GPALPP1: variants seen among roughly 807,000 people sequenced by gnomAD.
GPALPP1 encodes the protein GPALPP motifs containing 1.
GPALPP1 carries 30 observed loss-of-function variants against 38.9 expected under a neutral mutation model. The observed-to-expected ratio is 0.77, with a 90% confidence interval of 0.58 to 1.05. The LOEUF (loss-of-function observed/expected upper bound fraction) is 1.05. GPALPP1 is among the 50% of genes least tolerant of loss of function. The pLI is 0.00. For missense variants in GPALPP1, 384 were observed against 408.8 expected, an observed-to-expected ratio of 0.94 and a Z score of 0.52; for synonymous variants, 120 against 139.2, an observed-to-expected ratio of 0.86 and a Z score of 0.97.
intron 1 of GPALPP1, among the ~76,000 whole-genome samples, chr13:44,993,712 A>G (rs1442401885): frequency 6.6e-6 from 1 of 151,582 alleles, no homozygotes; most frequent in Admixed American, 6.6e-5. Flanking sequence ...AGGAACTAGC[A>G]TACTGTTGTC....
chr13:45,015,244 C>T (rs969449449), intron 5 of GPALPP1, among the ~76,000 whole-genome samples, 161 bp downstream of exon 5: 2 of 152,060 alleles, frequency 1.3e-5, no homozygotes, highest in African/African-American at 4.8e-5. Context: ...AGAAAAATAA[C>T]AAATTGGATG....
At chr13:44,997,551 C>G (rs975105694) in intron 1 of GPALPP1, among the ~76,000 whole-genome samples, 1 of 152,134 alleles carries the variant, frequency 6.6e-6, no homozygotes, top group Non-Finnish European at 1.5e-5. Flanking sequence ...GTCTACCCTA[C>G]TCCAGCTCCA....
At chr13:44,993,109 C>T (rs1385607311) in intron 1 of GPALPP1, among the ~76,000 whole-genome samples, 1 of 152,180 alleles carries the variant, frequency 6.6e-6, no homozygotes, top group African/African-American at 2.4e-5. Flanking sequence ...CTTATTGTAG[C>T]ACGTTAGAAT....
chr13:44,995,202 A>ACACC (rs755761092), intron 1 of GPALPP1, among the ~76,000 whole-genome samples: 5,027 of 54,458 alleles, frequency 0.092, 120 homozygotes, highest in Middle Eastern at 0.16. Context: ...ACACACACAC[A>ACACC]CCCCTTCTCT....
chr13:45,019,078 TATAA>T (rs201462001), intron 6 of GPALPP1, among the ~76,000 whole-genome samples: 2 of 129,704 alleles, frequency 1.5e-5, no homozygotes, highest in Non-Finnish European at 3.2e-5. Context: ...AATATATACA[TATAA>T]ATATATGTAT....
chr13:45,000,731 A>G (rs1454620272), intron 1 of GPALPP1, among the ~76,000 whole-genome samples: 2 of 152,228 alleles, frequency 1.3e-5, no homozygotes, highest in African/African-American at 4.8e-5. Flanking sequence ...ACATGAGGTT[A>G]GAGGTCACAT....
intron 1 of GPALPP1, among the ~76,000 whole-genome samples, chr13:45,000,742 A>G (rs1593386292): frequency 6.6e-6 from 1 of 152,324 alleles, no homozygotes; most frequent in Non-Finnish European, 1.5e-5. Flanking sequence ...GAGGTCACAT[A>G]TAGTCTCTAA....
rs1012971267 is a variant in GPALPP1, at chr13:44,992,758, A to G, written c.88+3016A>G. Among the ~76,000 whole-genome samples the G allele has an allele frequency of 1.1e-4, 17 of 152,294 alleles. No homozygotes were observed. The East Asian group carries it at 3.1e-3, about 28-fold the overall frequency. ...CCTTATAAATCAGGCAACCATATAT[A>G]TGCATCTAGTTTTTTTTCTTGTTTA... On this transcript the variant is annotated intron_variant, in intron 1 of 7. Coordinates refer to ENST00000379151, the MANE Select transcript of GPALPP1 (RefSeq NM_018559.5).
chr13:45,020,324 C>T lies in GPALPP1; in HGVS notation c.706-6C>T, dbSNP rs1400414552. The T allele has an allele frequency of 8.6e-7, 1 of 1,159,254 alleles. No homozygotes were observed. The highest frequency in any genetic ancestry group is 1.7e-5 in the Admixed American group (1 of 58,188). The allele number at this position is 1,159,254 out of a possible 1,614,324, so 71.8% of individuals were successfully genotyped here. A position where few individuals can be genotyped will look rare whatever the true frequency, so the allele number is the denominator to read the frequency against. On this transcript the variant is annotated splice_region_variant and splice_polypyrimidine_tract_variant and intron_variant, in intron 6 of 7. Coordinates refer to ENST00000379151, the MANE Select transcript of GPALPP1 (RefSeq NM_018559.5). ...CAGTAATGTGTTATCTGTGTTCATT[C>T]CTCAGGAAACACAAGAAGCAAGGAA...
At chr13:45,001,171 T>A (rs1873649480) in intron 1 of GPALPP1, among the ~76,000 whole-genome samples, 1 of 152,156 alleles carries the variant, frequency 6.6e-6, no homozygotes, top group Non-Finnish European at 1.5e-5. Context: ...TCTCATGAGA[T>A]CTGATAGTTT....
At chr13:45,023,150 T>G (rs190106239) in intron 7 of GPALPP1, among the ~76,000 whole-genome samples, 18 of 152,298 alleles carry the variant, frequency 1.2e-4, no homozygotes, top group African/African-American at 3.6e-4. Context: ...AGCAAATTAG[T>G]CATTTAGCAG....
chr13:45,020,301 G>A (rs746447968), intron 6 of GPALPP1, 29 bp from the exon 7 acceptor site: 3 of 812,408 alleles, frequency 3.7e-6, no homozygotes, highest in Non-Finnish European at 6.4e-6. Context: ...TTATGATTCA[G>A]TAATGTGTTA....
chr13:44,992,974 TA>T (rs1872939731), intron 1 of GPALPP1, among the ~76,000 whole-genome samples: 1 of 152,216 alleles, frequency 6.6e-6, no homozygotes, highest in East Asian at 1.9e-4. Flanking sequence ...CAGTCCCTGG[TA>T]ACTACCATCT....
At chr13:45,019,777 T>A (rs568779686) in intron 6 of GPALPP1, among the ~76,000 whole-genome samples, 10 of 151,404 alleles carry the variant, frequency 6.6e-5, no homozygotes, top group Non-Finnish European at 1.3e-4. Flanking sequence ...CTGAGTTCAA[T>A]AAATAGGTTG....
chr13:45,012,792 G>A (rs1593396111), intron 4 of GPALPP1, among the ~76,000 whole-genome samples: 2 of 152,104 alleles, frequency 1.3e-5, no homozygotes, highest in South Asian at 4.2e-4. Flanking sequence ...TTTCAGTTTT[G>A]AGATTTTCGT....
chr13:44,995,872 T>C (rs1873231500), intron 1 of GPALPP1, among the ~76,000 whole-genome samples: 1 of 152,142 alleles, frequency 6.6e-6, no homozygotes, highest in South Asian at 2.1e-4. Context: ...ACCACAGTGT[T>C]TGTGGTGAGG....
intron 7 of GPALPP1, among the ~76,000 whole-genome samples, chr13:45,024,737 G>T (rs191755019): frequency 1.9e-4 from 29 of 151,830 alleles, no homozygotes; most frequent in African/African-American, 7.0e-4. Context: ...GACCAGCCTG[G>T]CCAACATGGT....
At chr13:44,998,001 C>T (rs1429620087) in intron 1 of GPALPP1, among the ~76,000 whole-genome samples, 4 of 152,232 alleles carry the variant, frequency 2.6e-5, no homozygotes, top group Non-Finnish European at 5.9e-5. Context: ...TCACAGGCTT[C>T]ACCTCCTTTC....
At chr13:45,017,892 A>G (rs1566081242) in intron 6 of GPALPP1, among the ~76,000 whole-genome samples, 1 of 152,234 alleles carries the variant, frequency 6.6e-6, no homozygotes, top group African/African-American at 2.4e-5. Flanking sequence ...ACATATATTT[A>G]TGTCACAAAC....
Sources: gnomAD v4.1 joint callset for allele counts (sites outside exome capture counted in the v4.1 genomes callset) on GRCh38, gnomAD v4.1.1 for gene constraint, MANE v1.5 for transcripts, NCBI Gene and HGNC (gene_info 2026-07-23, HGNC 2026-07-21) for gene names.